MSRA: variants seen among roughly 807,000 people sequenced by gnomAD.
MSRA encodes methionine sulfoxide reductase A.
Under a neutral mutation model 31.3 loss-of-function variants are expected in MSRA, and 54 were observed. The observed-to-expected ratio is 1.73, with a 90% CI of 1.39 to 2.17. MSRA has a LOEUF of 2.17. Ranked by LOEUF, MSRA falls within the 30% of genes most tolerant of loss-of-function variation. The pLI is 0.00. For missense variants in MSRA, 507 were observed against 300.9 expected (o/e 1.69, Z -5.07); for synonymous variants, 169 against 116.5 (o/e 1.45, Z -2.90).
intron 1 of MSRA, among the ~76,000 whole-genome samples, chr8:10,144,762 A>G (rs1256252745): frequency 6.6e-6 from 1 of 152,100 alleles, no homozygotes; most frequent in Non-Finnish European, 1.5e-5. Flanking sequence ...CTTTGCCTAA[A>G]TTATAATGTG....
At chr8:10,054,896 G>C (rs78263667) in intron 1 of MSRA, among the ~76,000 whole-genome samples, 59 of 152,338 alleles carry the variant, frequency 3.9e-4, no homozygotes, top group African/African-American at 1.3e-3. Flanking sequence ...TGGGCATTCT[G>C]AAGGAATCTA....
intron 4 of MSRA, among the ~76,000 whole-genome samples, chr8:10,307,251 C>G (rs1289156232): frequency 6.6e-6 from 1 of 150,802 alleles, no homozygotes; most frequent in Non-Finnish European, 1.5e-5. Flanking sequence ...ACTGCAACTT[C>G]TGCCTCCCAA....
intron 2 of MSRA, among the ~76,000 whole-genome samples, chr8:10,234,087 A>G (rs527805746): frequency 6.6e-6 from 1 of 152,150 alleles, no homozygotes; most frequent in Non-Finnish European, 1.5e-5. Context: ...CATAATAGAA[A>G]TATTTCAGAT....
intron 1 of MSRA, among the ~76,000 whole-genome samples, chr8:10,166,531 G>A (rs1465673163): frequency 6.6e-6 from 1 of 152,176 alleles, no homozygotes; most frequent in Non-Finnish European, 1.5e-5. Context: ...GTGCATATGT[G>A]TGTGTGCATG....
At chr8:10,234,305 A>G (rs998196702) in intron 2 of MSRA, among the ~76,000 whole-genome samples, 8 of 152,238 alleles carry the variant, frequency 5.3e-5, no homozygotes, top group African/African-American at 1.9e-4. Context: ...AAAAAGGCAA[A>G]TCTTTACACT....
chr8:10,094,226 G>T (rs1177129866), intron 1 of MSRA, among the ~76,000 whole-genome samples: 1 of 152,072 alleles, frequency 6.6e-6, no homozygotes, highest in Non-Finnish European at 1.5e-5. Flanking sequence ...GTAATATGTG[G>T]TTTTGTCTTT....
At chr8:10,295,381 C>G (rs765581840) in intron 3 of MSRA, among the ~76,000 whole-genome samples, 6 of 152,134 alleles carry the variant, frequency 3.9e-5, no homozygotes, top group Non-Finnish European at 7.4e-5. Context: ...GGCACAGGCT[C>G]TGCTCTCGTT....
chr8:10,363,267 G>C (rs530330169), intron 5 of MSRA, among the ~76,000 whole-genome samples: 1 of 152,188 alleles, frequency 6.6e-6, no homozygotes. Flanking sequence ...TTTGGCAACT[G>C]GCCAGGGAGG....
intron 1 of MSRA, among the ~76,000 whole-genome samples, chr8:10,103,620 C>T (rs1049309953): frequency 2.6e-5 from 4 of 152,090 alleles, no homozygotes; most frequent in Admixed American, 2.0e-4. Flanking sequence ...GTTAGTTTCT[C>T]CAGACACATG....
chr8:10,283,822 T>C (rs1455452560), intron 3 of MSRA, among the ~76,000 whole-genome samples: 10 of 72,310 alleles, frequency 1.4e-4, no homozygotes, highest in African/African-American at 4.6e-4. Context: ...TATATATATA[T>C]ATATATATAT....
chr8:10,128,475 G>C (rs2129022601), intron 1 of MSRA, among the ~76,000 whole-genome samples: 1 of 152,190 alleles, frequency 6.6e-6, no homozygotes, highest in East Asian at 1.9e-4. Context: ...TGCCATATCT[G>C]ACTTTGTCTG....
At chr8:10,103,199 T>C (rs537690010) in intron 1 of MSRA, among the ~76,000 whole-genome samples, 3 of 152,340 alleles carry the variant, frequency 2.0e-5, no homozygotes, top group East Asian at 1.9e-4. Context: ...TATCAGACTT[T>C]TGCAACTTAT....
In MSRA at chr8:10,134,459, C is replaced by G. The variant is rs1462697349; in HGVS notation, c.143-73374C>G. Among the ~76,000 whole-genome samples the G allele has an allele frequency of 2.0e-5, 3 of 152,230 alleles. No homozygotes were observed. The East Asian group carries it at 5.8e-4, about 29-fold the overall frequency. ...ATGGGGGTTTCAGTTTATCCCTGTG[C>G]CGGTGTTGCTCCCAAACACGGTGAC... On this transcript the variant is annotated intron_variant, in intron 1 of 5. Transcript: ENST00000317173.
At chr8:10,064,409 A>G (rs1432787323) in intron 1 of MSRA, among the ~76,000 whole-genome samples, 1 of 151,398 alleles carries the variant, frequency 6.6e-6, no homozygotes, top group Non-Finnish European at 1.5e-5. Context: ...GGAATTTTGT[A>G]TCCTTTCATG....
intron 1 of MSRA, among the ~76,000 whole-genome samples, chr8:10,064,249 G>A (rs1023310511): frequency 6.6e-6 from 1 of 152,136 alleles, no homozygotes; most frequent in Admixed American, 6.5e-5. Flanking sequence ...GACTCATGAT[G>A]CCAAATGATT....
intron 1 of MSRA, among the ~76,000 whole-genome samples, chr8:10,198,244 A>G (rs1808169660): frequency 2.0e-5 from 3 of 152,210 alleles, no homozygotes; most frequent in Middle Eastern, 3.2e-3. Context: ...AGCCACGACT[A>G]CAGCATCACC....
At chr8:10,116,099 G>C (rs951666988) in intron 1 of MSRA, among the ~76,000 whole-genome samples, 3 of 152,136 alleles carry the variant, frequency 2.0e-5, no homozygotes, top group African/African-American at 7.2e-5. Context: ...TGCATGGCTT[G>C]AAGCTACATG....
At chr8:10,256,646 T>C (rs1475938783) in intron 3 of MSRA, among the ~76,000 whole-genome samples, 1 of 152,220 alleles carries the variant, frequency 6.6e-6, no homozygotes, top group South Asian at 2.1e-4. Context: ...ACGGCACCTC[T>C]GTCTAGGTGG....
At chr8:10,122,654 A>G (rs1289688862) in intron 1 of MSRA, among the ~76,000 whole-genome samples, 1 of 151,926 alleles carries the variant, frequency 6.6e-6, no homozygotes, top group Non-Finnish European at 1.5e-5. Context: ...TAGCACCCCA[A>G]TAGTTATTTT....
Sources: allele counts gnomAD v4.1 joint callset (sites outside exome capture counted in the v4.1 genomes callset), GRCh38; gene constraint gnomAD v4.1.1; transcripts MANE v1.5; gene names NCBI Gene and HGNC (gene_info 2026-07-23, HGNC 2026-07-21).